Variants in GC observed in about 807,000 individuals in gnomAD.
GC encodes the protein vitamin D-binding protein.
GC carries 43 observed loss-of-function variants against 56.7 expected under a neutral mutation model. The ratio of observed to expected loss-of-function variants is 0.76; its 90% CI spans 0.59 to 0.98. The LOEUF is 0.98. Ranked by LOEUF, GC falls within the 50% of genes least tolerant of loss-of-function variation. The probability of loss-of-function intolerance (pLI) is 0.00; values close to 1 mark genes in which losing one functional copy is unlikely to be tolerated. For missense variants in GC, 529 were observed against 545.9 expected (o/e 0.97, Z 0.31); for synonymous variants, 216 against 202.7 (o/e 1.07, Z -0.56).
At chr4:71,752,841 C>T (rs1024897931) in intron 10 of GC, among the ~76,000 whole-genome samples, 191 bp from the exon 11 acceptor site, 4 of 152,030 alleles carry the variant, frequency 2.6e-5, no homozygotes, top group Admixed American at 6.6e-5. Flanking sequence ...CATGCCTCTT[C>T]GAGATCATAA....
intron 1 of GC, among the ~76,000 whole-genome samples, chr4:71,771,639 T>A (rs1560703486): frequency 6.6e-6 from 1 of 152,104 alleles, no homozygotes; most frequent in Non-Finnish European, 1.5e-5. Context: ...GTAGAGTTGA[T>A]AAAGCTAATT....
chr4:71,755,308 G>A (rs1045443727), intron 8 of GC, among the ~76,000 whole-genome samples: 29 of 151,856 alleles, frequency 1.9e-4, no homozygotes, highest in African/African-American at 5.3e-4. Flanking sequence ...GATTATAGGC[G>A]CCCACCACCA....
chr4:71,741,750 TG>T lies in GC; in HGVS notation c.*145del. ...GATAGCAAATCATCATACTTGTCAT[TG>T]TATGAAGATATTGTAGCTAGAAAAA... On this transcript the variant is annotated 3_prime_UTR_variant, in exon 13 of 13. Coordinates refer to ENST00000273951, the MANE Select transcript of GC (RefSeq NM_000583.4). 1 of 688,362 alleles carries T rather than the reference TG, an allele frequency of 1.5e-6. No individual in the cohort carries two copies. Among genetic ancestry groups the T allele is most frequent in the Admixed American group, 2.2e-5 (1 of 46,148 alleles). The allele number at this position is 688,362 out of a possible 1,614,324, so 42.6% of individuals were successfully genotyped here.
rs769361323 is a variant in GC at position 71,763,890 on chromosome 4, G to A, written c.520C>T (p.Leu174Phe). 2 of 1,610,500 alleles carry A rather than the reference G, an allele frequency of 1.2e-6. No homozygotes were observed. The highest frequency in any genetic ancestry group is 2.2e-5 in the East Asian group (1 of 44,864). The change falls in exon 5 of 13, where the codon CTT (leucine) becomes TTT (phenylalanine). Residue 174 changes from leucine to phenylalanine, a missense_variant. Leu to Phe is a conservative substitution (Grantham distance 22). Transcript: ENST00000273951. The part of the protein sequence containing the change: ...STNYGQAPLS[L>F]LVSYTKSYLS... ...TAACTCTTGGTGTAACTGACTAAAA[G>A]TGACAGAGGAGCTTGTCCGTAATTA... is the stretch of plus-strand genomic sequence containing the variant.
At chr4:71,774,619 T>C (rs926600823) in intron 1 of GC, among the ~76,000 whole-genome samples, 2 of 152,048 alleles carry the variant, frequency 1.3e-5, no homozygotes, top group Middle Eastern at 3.4e-3. Flanking sequence ...AATATAAATA[T>C]AAATAATAAT....
chr4:71,784,403 GTCT>G (rs199798882), upstream of GC: 13,685 of 789,282 alleles, frequency 0.017, 167 homozygotes, highest in South Asian at 0.028. Context: ...AGGGCTGTGT[GTCT>G]TCTTTGGACA....
upstream of GC, among the ~76,000 whole-genome samples, chr4:71,788,606 C>G (rs753216616): frequency 8.1e-6 from 1 of 123,488 alleles, no homozygotes; most frequent in Non-Finnish European, 1.7e-5. Flanking sequence ...AATGATGGTT[C>G]AGACTAGATG....
Position 71,768,219 on chromosome 4 carries a change from A to T in GC, c.261+82T>A. 6.6e-6 allele frequency: 8 copies of T among 1,216,556 alleles called. No homozygotes were observed. The South Asian group carries it at 1.4e-4, about 22-fold the overall frequency. The allele number at this position is 1,216,556 out of a possible 1,614,324, so 75.4% of individuals were successfully genotyped here. On this transcript the variant is annotated intron_variant, in intron 3 of 12. Transcript: ENST00000273951. ...GGAGTAAATGGAGTTGCTGTCTAAA[A>T]TTTTTTCAACACGTGGTATAAAGGC...
upstream of GC, chr4:71,785,891 T>C (rs1742821032): frequency 6.6e-6 from 1 of 151,850 alleles, no homozygotes; most frequent in South Asian, 2.1e-4. Flanking sequence ...GTTTTCATTT[T>C]TCTTTAAGAT....
rs1333441148 is a variant in GC, at chr4:71,746,221, G to T, written c.1396-16C>A. 5 of 1,173,516 alleles carry T rather than the reference G, an allele frequency of 4.3e-6. No individual in the cohort carries two copies. The highest frequency in any genetic ancestry group is 2.4e-5 in the East Asian group (1 of 42,402). 72.7% of individuals were successfully genotyped at this position (1,173,516 alleles called of 1,614,324 possible). A position where few individuals can be genotyped will look rare whatever the true frequency, so the allele number is the denominator to read the frequency against. ...CAGCATCAATCTGATAATGAAAAAA[G>T]AATGTTATATAACTTATGAAGTATT... On this transcript the variant is annotated splice_polypyrimidine_tract_variant and intron_variant, in intron 11 of 12. Transcript: ENST00000273951.
chr4:71,804,363 TGGGGAGCAGTCACGCAG>T (rs1413870300), upstream of GC, among the ~76,000 whole-genome samples: 1 of 152,168 alleles, frequency 6.6e-6, no homozygotes, highest in Non-Finnish European at 1.5e-5. Context: ...TTCCCCCTTT[TGGGGAGCAGTCACGCAG>T]TGTGGGCTAA....
At position 71,797,505 on chromosome 4, in the gene GC, G is replaced by A. The variant is rs6847641; in HGVS notation, c.21+6421C>T. 9.1e-3 allele frequency among the ~76,000 whole-genome samples: 1,394 copies of A among 152,382 alleles called. 23 individuals carry two copies. Among genetic ancestry groups the A allele is most frequent in the African/African-American group, 0.032 (1,326 of 41,586 alleles). ...ATGGGACCTGCCGAGCCAGGCAGGGGAGAGAATCTCCTGGTCTGCTGGTTG... is the reference window on the plus strand; with the variant it reads ...ATGGGACCTGCCGAGCCAGGCAGGGAAGAGAATCTCCTGGTCTGCTGGTTG... On this transcript the variant is annotated intron_variant, in intron 1 of 13. Transcript: ENST00000504199.
chr4:71,792,319 C>T (rs1742991853), intron 1 of GC, among the ~76,000 whole-genome samples: 1 of 152,192 alleles, frequency 6.6e-6, no homozygotes, highest in African/African-American at 2.4e-5. Context: ...ACATTCTCTC[C>T]AGCATCTGTT....
chr4:71,770,371 G>T (rs1439409438), intron 1 of GC, among the ~76,000 whole-genome samples: 2 of 152,186 alleles, frequency 1.3e-5, no homozygotes, highest in African/African-American at 4.8e-5. Flanking sequence ...CAACAGTTGG[G>T]TCTCTGTGTG....
intron 1 of GC, among the ~76,000 whole-genome samples, chr4:71,796,256 T>G (rs1743101769): frequency 6.6e-6 from 1 of 152,194 alleles, no homozygotes; most frequent in Admixed American, 6.5e-5. Context: ...CTTAAGAGTG[T>G]TTTCTAACTT....
At chr4:71,771,896 G>A (rs975756602) in intron 1 of GC, among the ~76,000 whole-genome samples, 6 of 152,116 alleles carry the variant, frequency 3.9e-5, no homozygotes, top group African/African-American at 7.2e-5. Context: ...CTGTACTTAC[G>A]ATGTCAAGAG....
intron 1 of GC, among the ~76,000 whole-genome samples, chr4:71,780,152 A>G (rs1186912190): frequency 6.6e-6 from 1 of 152,102 alleles, no homozygotes; most frequent in Non-Finnish European, 1.5e-5. Context: ...CCTATTTAAT[A>G]AATGGTGCTG....
intron 11 of GC, among the ~76,000 whole-genome samples, chr4:71,751,869 T>C (rs889254532): frequency 5.9e-5 from 9 of 152,192 alleles, no homozygotes; most frequent in Non-Finnish European, 8.8e-5. Context: ...TAATATTCTT[T>C]AAAATCATTT....
chr4:71,745,746 T>C (rs1485333686), intron 12 of GC, among the ~76,000 whole-genome samples: 1 of 152,198 alleles, frequency 6.6e-6, no homozygotes, highest in Non-Finnish European at 1.5e-5. Context: ...AACAGTATTG[T>C]TTTCATTTGA....
Sources: gnomAD v4.1 joint callset for allele counts (sites outside exome capture counted in the v4.1 genomes callset) on GRCh38, gnomAD v4.1.1 for gene constraint, MANE v1.5 for transcripts, NCBI Gene and HGNC (gene_info 2026-07-23, HGNC 2026-07-21) for gene names.